SLC30A8: variants seen among roughly 807,000 people sequenced by gnomAD.
SLC30A8 encodes proton-coupled zinc antiporter SLC30A8.
In SLC30A8, 27 loss-of-function variants were observed where a neutral mutation model predicts 36.9. That is an observed-to-expected ratio of 0.73 (90% CI 0.54 to 1.01). The LOEUF is 1.01. Ranked by LOEUF, SLC30A8 falls within the 50% of genes least tolerant of loss-of-function variation. The probability of loss-of-function intolerance (pLI) is 0.00; values close to 1 mark genes in which losing one functional copy is unlikely to be tolerated. For synonymous variants in SLC30A8, 164 were observed against 172.4 expected (o/e 0.95, Z 0.38); for missense variants, 439 against 452.0 (o/e 0.97, Z 0.26).
At chr8:117,086,424 T>C (rs780403404) in intron 2 of SLC30A8, among the ~76,000 whole-genome samples, 17 of 152,324 alleles carry the variant, frequency 1.1e-4, no homozygotes, top group Non-Finnish European at 1.6e-4. Context: ...CTTCCCACAG[T>C]GTGGAAAACT....
At chr8:117,168,107 C>T (rs953389008) in intron 6 of SLC30A8, among the ~76,000 whole-genome samples, 28 of 129,424 alleles carry the variant, frequency 2.2e-4, no homozygotes, top group African/African-American at 9.0e-4. Flanking sequence ...ATTATCTTCA[C>T]CTGGCCCCCA....
intron 2 of SLC30A8, among the ~76,000 whole-genome samples, chr8:117,120,433 C>A (rs1215278512): frequency 6.6e-6 from 1 of 151,810 alleles, no homozygotes; most frequent in Non-Finnish European, 1.5e-5. Context: ...AATGAAATTG[C>A]ACCCTTATTT....
At chr8:117,131,819 TTTCCTC>T (rs1382764229), upstream of SLC30A8, among the ~76,000 whole-genome samples, 1 of 151,998 alleles carries the variant, frequency 6.6e-6, no homozygotes, top group African/African-American at 2.4e-5. Context: ...TATTATCTGT[TTTCCTC>T]TTCACAAGAA....
At chr8:117,036,360 C>T (rs113354761) in intron 1 of SLC30A8, among the ~76,000 whole-genome samples, 2,113 of 152,246 alleles carry the variant, frequency 0.014, 53 homozygotes, top group African/African-American at 0.048. Flanking sequence ...CCAGCCTCTG[C>T]CTGTTACCCA....
chr8:117,037,030 T>A (rs77777124), intron 1 of SLC30A8, among the ~76,000 whole-genome samples: 66 of 152,150 alleles, frequency 4.3e-4, no homozygotes, highest in Non-Finnish European at 8.2e-4. Flanking sequence ...AATTTTTAAA[T>A]TTTTTTTCAT....
chr8:117,078,996 C>T (rs764237165), intron 2 of SLC30A8, among the ~76,000 whole-genome samples: 3 of 151,662 alleles, frequency 2.0e-5, no homozygotes, highest in African/African-American at 7.3e-5. Context: ...CCTGAATTCT[C>T]TTTTTTCTTT....
upstream of SLC30A8, chr8:116,950,340 G>C (rs1381816083): frequency 6.5e-6 from 1 of 153,452 alleles, no homozygotes; most frequent in Non-Finnish European, 1.4e-5. Flanking sequence ...AGGCTTGTTG[G>C]AGAAGAATCC....
At chr8:116,976,245 T>C (rs78122691) in intron 1 of SLC30A8, among the ~76,000 whole-genome samples, 2 of 148,732 alleles carry the variant, frequency 1.3e-5, no homozygotes, top group South Asian at 2.1e-4. Context: ...TCTCTCTCTT[T>C]TTTTTTTTTT....
intron 2 of SLC30A8, among the ~76,000 whole-genome samples, chr8:117,097,939 AAT>A (rs1819520365): frequency 9.1e-6 from 1 of 109,298 alleles, no homozygotes; most frequent in South Asian, 2.6e-4. Context: ...TATTATATAT[AAT>A]ATATAATTTT....
intron 1 of SLC30A8, among the ~76,000 whole-genome samples, chr8:116,986,694 G>A (rs991030455): frequency 2.6e-5 from 4 of 152,096 alleles, no homozygotes; most frequent in Admixed American, 6.6e-5. Flanking sequence ...TCAGTCATCA[G>A]CAACCACAGT....
At chr8:116,972,696 G>A (rs1814833291) in intron 1 of SLC30A8, among the ~76,000 whole-genome samples, 1 of 152,146 alleles carries the variant, frequency 6.6e-6, no homozygotes, top group South Asian at 2.1e-4. Context: ...AAATCATAAG[G>A]CTGACTCTAG....
At chr8:117,137,527 T>C (rs1038538340) in intron 1 of SLC30A8, among the ~76,000 whole-genome samples, 1 of 152,014 alleles carries the variant, frequency 6.6e-6, no homozygotes, top group Non-Finnish European at 1.5e-5. Flanking sequence ...TTGGGCAGCA[T>C]TCCATGTGAA....
intron 1 of SLC30A8, among the ~76,000 whole-genome samples, chr8:117,001,535 C>T (rs534889025): frequency 6.6e-6 from 1 of 152,260 alleles, no homozygotes. Context: ...ATTATTGCAA[C>T]ATGCCAAATG....
chr8:117,091,491 C>T (rs942441726), intron 2 of SLC30A8, among the ~76,000 whole-genome samples: 2 of 151,904 alleles, frequency 1.3e-5, no homozygotes, highest in African/African-American at 2.4e-5. Flanking sequence ...GCCCTGCCTC[C>T]GTAGATGGTC....
chr8:116,985,983 CT>C (rs1339424364), intron 1 of SLC30A8, among the ~76,000 whole-genome samples: 2 of 152,148 alleles, frequency 1.3e-5, no homozygotes, highest in Admixed American at 1.3e-4. Context: ...TGGGATGAGT[CT>C]TTACACTCTG....
chr8:116,961,722 A>G (rs1814430767), intron 1 of SLC30A8, among the ~76,000 whole-genome samples: 1 of 151,994 alleles, frequency 6.6e-6, no homozygotes, highest in Admixed American at 6.6e-5. Context: ...ATGGAGGGGA[A>G]GAATGCTATG....
intron 2 of SLC30A8, among the ~76,000 whole-genome samples, chr8:117,041,907 A>C (rs1817399631): frequency 6.6e-6 from 1 of 152,188 alleles, no homozygotes; most frequent in South Asian, 2.1e-4. Context: ...TAGACAGCTA[A>C]AATATTGGCC....
chr8:117,040,335 T>A (rs1291911484), intron 2 of SLC30A8, among the ~76,000 whole-genome samples: 1 of 152,244 alleles, frequency 6.6e-6, no homozygotes, highest in Non-Finnish European at 1.5e-5. Flanking sequence ...AACATGAGAT[T>A]CCTTTTGGGT....
intron 2 of SLC30A8, among the ~76,000 whole-genome samples, chr8:117,047,289 A>C (rs541828740): frequency 2.4e-4 from 36 of 152,276 alleles, no homozygotes; most frequent in South Asian, 1.9e-3. Flanking sequence ...TGTTTTGTAC[A>C]TGAGGAAACC....
Sources: allele counts gnomAD v4.1 joint callset (sites outside exome capture counted in the v4.1 genomes callset), GRCh38; gene constraint gnomAD v4.1.1; transcripts MANE v1.5; gene names NCBI Gene and HGNC (gene_info 2026-07-23, HGNC 2026-07-21).